DGKB: variants seen among roughly 807,000 people sequenced by gnomAD.
The protein encoded by DGKB is 90 kDa diacylglycerol kinase.
DGKB carries 67 observed loss-of-function variants against 114.3 expected under a neutral mutation model. The ratio of observed to expected loss-of-function variants is 0.59; its 90% CI spans 0.48 to 0.72. DGKB has a LOEUF of 0.72. Among genes scored for constraint, DGKB ranks in the 30% least tolerant of loss-of-function variants. The pLI is 0.00. For synonymous variants in DGKB, 398 were observed against 323.1 expected, an observed-to-expected ratio of 1.23 and a Z score of -2.49; for missense variants, 907 against 975.2, an observed-to-expected ratio of 0.93 and a Z score of 0.93.
chr7:14,632,052 G>C (rs1450164819), intron 13 of DGKB, among the ~76,000 whole-genome samples: 1 of 151,892 alleles, frequency 6.6e-6, no homozygotes, highest in African/African-American at 2.4e-5. Flanking sequence ...AGCAGGCACT[G>C]GAAAGCCAAG....
At chr7:14,218,746 T>C (rs1789432364) in intron 23 of DGKB, among the ~76,000 whole-genome samples, 1 of 151,974 alleles carries the variant, frequency 6.6e-6, no homozygotes, top group Non-Finnish European at 1.5e-5. Context: ...TTTTATAGCT[T>C]TATTGAAATG....
At position 14,723,609 on chromosome 7, in the gene DGKB, A is replaced by G. The variant is rs143309711; in HGVS notation, c.323-4924T>C. 3.5e-3 allele frequency among the ~76,000 whole-genome samples: 531 copies of G among 152,188 alleles called. 3 individuals are homozygous for G. The highest frequency in any genetic ancestry group is 0.012 in the African/African-American group (484 of 41,508). On this transcript the variant is annotated intron_variant, in intron 5 of 25. Transcript: ENST00000402815. The stretch of plus-strand genomic sequence containing the variant: ...TATATACACATACACACACATATAT[A>G]TGTGTATGTATATACTACAATAGTA...
At chr7:14,442,469 T>G (rs552505887) in intron 21 of DGKB, among the ~76,000 whole-genome samples, 1 of 152,260 alleles carries the variant, frequency 6.6e-6, no homozygotes, top group Non-Finnish European at 1.5e-5. Context: ...TTACTCTCTC[T>G]AGGTTTTTAT....
chr7:14,621,799 T>A (rs1807706585), intron 14 of DGKB, among the ~76,000 whole-genome samples: 1 of 152,138 alleles, frequency 6.6e-6, no homozygotes, highest in Non-Finnish European at 1.5e-5. Context: ...ATTATTTTCA[T>A]ATGTAATGAT....
intron 21 of DGKB, among the ~76,000 whole-genome samples, chr7:14,402,370 A>G (rs1038053133): frequency 2.6e-5 from 4 of 151,890 alleles, no homozygotes; most frequent in African/African-American, 9.7e-5. Flanking sequence ...TTTTAATTCC[A>G]GGAACATAGT....
rs1485252088 is a variant in DGKB at position 14,962,624 on chromosome 7, GTGTGTGTGTGTT to G, written c.-188+12060_-188+12071del. Among the ~76,000 whole-genome samples the G allele has an allele frequency of 1.7e-3, 239 of 144,146 alleles. 3 individuals are homozygous for G. Among genetic ancestry groups the G allele is most frequent in the African/African-American group, 5.6e-3 (209 of 37,250 alleles). 94.6% of individuals were successfully genotyped at this position (144,146 alleles called of 152,430 possible). On this transcript the variant is annotated intron_variant, in intron 1 of 4. Coordinates refer to the DGKB transcript ENST00000437998. ...GCTTTGTAAATAGCTATAGCTGTGT[GTGTGTGTGTGTT>G]TGTGTGTGTGTGTGTGTGTGTGTGT...
At chr7:14,586,922 C>A (rs1800870528) in intron 17 of DGKB, among the ~76,000 whole-genome samples, 2 of 151,784 alleles carry the variant, frequency 1.3e-5, no homozygotes, top group South Asian at 4.2e-4. Flanking sequence ...ACCCAATATT[C>A]TGATGGAGAT....
chr7:14,334,395 T>TGC (rs10599612), intron 23 of DGKB, among the ~76,000 whole-genome samples: 3 of 88,968 alleles, frequency 3.4e-5, no homozygotes, highest in Admixed American at 1.1e-4. Flanking sequence ...TGTGTGTGTG[T>TGC]GCGCGCGCGT....
chr7:14,522,483 C>A (rs11767969), intron 20 of DGKB, among the ~76,000 whole-genome samples: 61,758 of 151,974 alleles, frequency 0.41, 13,457 homozygotes, highest in East Asian at 0.72. Context: ...AAATTGCCAC[C>A]CTTCCTGTTC....
At chr7:14,941,415 G>A (rs1056303259) in intron 1 of DGKB, among the ~76,000 whole-genome samples, 11 of 151,986 alleles carry the variant, frequency 7.2e-5, no homozygotes, top group African/African-American at 2.7e-4. Context: ...AATTGAATAG[G>A]AAGAAGATAT....
intron 19 of DGKB, among the ~76,000 whole-genome samples, chr7:14,577,618 A>G (rs954961452): frequency 6.7e-6 from 1 of 150,112 alleles, no homozygotes; most frequent in Non-Finnish European, 1.5e-5. Flanking sequence ...CTCCGTCTCA[A>G]AAAAAAAAAG....
chr7:14,470,923 C>A (rs892219686), intron 21 of DGKB, among the ~76,000 whole-genome samples: 1 of 151,330 alleles, frequency 6.6e-6, no homozygotes, highest in Non-Finnish European at 1.5e-5. Context: ...CTCAATGGTA[C>A]TTTATATGGT....
At chr7:14,833,205 G>A (rs892469248) in intron 2 of DGKB, among the ~76,000 whole-genome samples, 2 of 151,978 alleles carry the variant, frequency 1.3e-5, no homozygotes, top group Non-Finnish European at 2.9e-5. Context: ...GGCTGCCCTA[G>A]TAAAATAATC....
intron 21 of DGKB, among the ~76,000 whole-genome samples, chr7:14,436,747 A>AACTCATT (rs1483517208): frequency 1.3e-5 from 2 of 152,148 alleles, no homozygotes; most frequent in Non-Finnish European, 2.9e-5. Context: ...TCTACCACAA[A>AACTCATT]ACTCATTACA....
intron 23 of DGKB, among the ~76,000 whole-genome samples, chr7:14,220,190 A>T (rs182863855): frequency 2.0e-5 from 3 of 151,776 alleles, no homozygotes; most frequent in Admixed American, 2.0e-4. Flanking sequence ...GTATGTAAGC[A>T]TGTCAAAACA....
At chr7:14,707,350 A>G (rs1236404653) in intron 6 of DGKB, among the ~76,000 whole-genome samples, 1 of 150,312 alleles carries the variant, frequency 6.7e-6, no homozygotes, top group Non-Finnish European at 1.5e-5. Flanking sequence ...AAAAGAGTCC[A>G]GGGCCAGATG....
At chr7:14,645,313 C>A (rs1037452720) in intron 13 of DGKB, among the ~76,000 whole-genome samples, 7 of 152,132 alleles carry the variant, frequency 4.6e-5, no homozygotes, top group Admixed American at 2.6e-4. Flanking sequence ...GGACAAGAAA[C>A]TGGAAATCCT....
At chr7:14,488,841 A>G (rs13309084) in intron 20 of DGKB, among the ~76,000 whole-genome samples, 3 of 98,040 alleles carry the variant, frequency 3.1e-5, no homozygotes, top group Admixed American at 2.0e-4. Flanking sequence ...CCAAAAAAAA[A>G]CAAAAAAAAA....
intron 21 of DGKB, among the ~76,000 whole-genome samples, chr7:14,455,464 T>A (rs1009690666): frequency 2.6e-5 from 4 of 152,032 alleles, no homozygotes. Flanking sequence ...ACCATAACAT[T>A]ATTTATGCCA....
Sources: allele counts gnomAD v4.1 joint callset (sites outside exome capture counted in the v4.1 genomes callset), GRCh38; gene constraint gnomAD v4.1.1; transcripts MANE v1.5; gene names NCBI Gene and HGNC (gene_info 2026-07-23, HGNC 2026-07-21).